Variants in CLMN observed in about 807,000 individuals in gnomAD.
CLMN encodes the protein calmin (calponin-like, transmembrane).
Under a neutral mutation model 92.7 loss-of-function variants are expected in CLMN, and 57 were observed. That is an observed-to-expected ratio of 0.61 (90% CI 0.50 to 0.77). CLMN has a LOEUF of 0.77. Among genes scored for constraint, CLMN ranks in the 30% least tolerant of loss-of-function variants. The pLI is 0.00. For synonymous variants in CLMN, 466 were observed against 470.6 expected, an observed-to-expected ratio of 0.99 and a Z score of 0.13; for missense variants, 1,158 against 1,237.5, an observed-to-expected ratio of 0.94 and a Z score of 0.96.
At chr14:95,237,517 A>G (rs1285793788) in intron 1 of CLMN, among the ~76,000 whole-genome samples, 1 of 152,196 alleles carries the variant, frequency 6.6e-6, no homozygotes, top group Non-Finnish European at 1.5e-5. Flanking sequence ...TTTGAGAGCA[A>G]AGGTCCCCAT....
At chr14:95,293,117 TTCCCTCCTTCCC>T (rs534995606) in intron 1 of CLMN, among the ~76,000 whole-genome samples, 1,934 of 69,262 alleles carry the variant, frequency 0.028, 31 homozygotes, top group Non-Finnish European at 0.039. Context: ...CTCCCCTCCC[TTCCCTCCTTCCC>T]TCCCTCCTTC....
intron 1 of CLMN, among the ~76,000 whole-genome samples, chr14:95,249,847 A>T: frequency 6.6e-6 from 1 of 152,228 alleles, no homozygotes; most frequent in Non-Finnish European, 1.5e-5. Context: ...CCCACTCAGA[A>T]CCCAATTTCA....
intron 12 of CLMN, chr14:95,192,135 A>T (rs1382927915): frequency 6.2e-6 from 1 of 161,620 alleles, no homozygotes; most frequent in Non-Finnish European, 1.3e-5. Context: ...AGTGACACGG[A>T]GTTAGATACT....
intron 1 of CLMN, among the ~76,000 whole-genome samples, chr14:95,261,055 C>T (rs2140701027): frequency 6.6e-6 from 1 of 152,218 alleles, no homozygotes; most frequent in Non-Finnish European, 1.5e-5. Flanking sequence ...GCCAACAGCG[C>T]TGTAACTCAT....
Position 95,186,638 on chromosome 14 carries a change from C to T in CLMN, c.*4926G>A, listed in dbSNP as rs1391190021. ...GGAGTAAAATAGCAGGATCATAGCT[C>T]ACAGTAACCTCAAAGTCATGGGCTC... On this transcript the variant is annotated 3_prime_UTR_variant, in exon 13 of 13. Coordinates refer to ENST00000298912, the MANE Select transcript of CLMN (RefSeq NM_024734.4). 1 of 152,264 alleles carries T rather than the reference C, an allele frequency of 6.6e-6. No homozygotes were observed. The highest frequency in any genetic ancestry group is 2.4e-5 in the African/African-American group (1 of 41,462). 9.4% of individuals were successfully genotyped at this position (152,264 alleles called of 1,614,324 possible).
chr14:95,260,543 A>T (rs1899210800), intron 1 of CLMN: 1 of 152,234 alleles, frequency 6.6e-6, no homozygotes, highest in African/African-American at 2.4e-5. Flanking sequence ...TGGAGACGTT[A>T]TCTTAGACAC....
At chr14:95,228,737 C>T (rs1025782333) in intron 2 of CLMN, among the ~76,000 whole-genome samples, 4 of 152,162 alleles carry the variant, frequency 2.6e-5, no homozygotes, top group African/African-American at 7.2e-5. Context: ...TGCAGTGGTG[C>T]GATCTCAGCT....
At chr14:95,274,908 G>A (rs1460659552) in intron 1 of CLMN, among the ~76,000 whole-genome samples, 1 of 151,490 alleles carries the variant, frequency 6.6e-6, no homozygotes, top group Non-Finnish European at 1.5e-5. Flanking sequence ...GAACCCAGGG[G>A]GGCAGAGGTT....
At chr14:95,304,092 C>T (rs761184589) in intron 1 of CLMN, among the ~76,000 whole-genome samples, 33 of 152,172 alleles carry the variant, frequency 2.2e-4, no homozygotes, top group East Asian at 1.9e-4. Context: ...AATCCCAGCA[C>T]ATTGGGGGTC....
chr14:95,292,228 AG>A (rs2140760875), intron 1 of CLMN, among the ~76,000 whole-genome samples: 1 of 152,350 alleles, frequency 6.6e-6, no homozygotes, highest in African/African-American at 2.4e-5. Context: ...ATGCATCAAA[AG>A]GTAAATGGTA....
chr14:95,203,290 A>G lies in CLMN; in HGVS notation c.2059T>C (p.Ser687Pro), dbSNP rs1896941277. Residue 687 changes from serine (S) to proline (P), a missense_variant, in exon 9 of 13, where the codon TCT (serine) becomes CCT (proline). Ser to Pro is a moderately conservative substitution (Grantham distance 74, BLOSUM62 -1). Coordinates refer to ENST00000298912, the MANE Select transcript of CLMN (RefSeq NM_024734.4). Reference protein sequence around the residue: ...DDLQGVGEELSSSPPSSCVSL... With the variant: ...DDLQGVGEELPSSPPSSCVSL... ...ACACAGCTGCTTGGGGGGCTGGAAG[A>G]TAATTCCTCGCCCACACCCTGGAGG... 4.3e-6 allele frequency: 7 copies of G among 1,614,048 alleles called. No homozygotes were observed. The highest frequency in any genetic ancestry group is 5.9e-6 in the Non-Finnish European group (7 of 1,180,020).
chr14:95,305,216 G>A (rs1432290923), intron 1 of CLMN, among the ~76,000 whole-genome samples: 3 of 152,164 alleles, frequency 2.0e-5, no homozygotes, highest in East Asian at 3.9e-4. Context: ...CCATTGTACC[G>A]ATGAGGCCTT....
Position 95,189,342 on chromosome 14 carries a change from T to C in CLMN, c.*2222A>G, listed in dbSNP as rs1896509232. 1 of 152,234 alleles carries C rather than the reference T, an allele frequency of 6.6e-6. No individual in the cohort carries two copies. The highest frequency in any genetic ancestry group is 2.1e-4 in the South Asian group (1 of 4,828). 9.4% of individuals were successfully genotyped at this position (152,234 alleles called of 1,614,324 possible). ...CTGCTAGTTCTTGTTAAAAGCCTTATTGTATTTCTTTTAATTTAAAAAAAA... is the reference window on the plus strand; with the variant it reads ...CTGCTAGTTCTTGTTAAAAGCCTTACTGTATTTCTTTTAATTTAAAAAAAA... On this transcript the variant is annotated 3_prime_UTR_variant, in exon 13 of 13. Coordinates refer to ENST00000298912, the MANE Select transcript of CLMN (RefSeq NM_024734.4).
At chr14:95,226,677 G>C (rs1165741134) in intron 2 of CLMN, among the ~76,000 whole-genome samples, 1 of 152,036 alleles carries the variant, frequency 6.6e-6, no homozygotes, top group African/African-American at 2.4e-5. Context: ...CTTAGCTCAA[G>C]TGATCCTCCC....
At position 95,259,426 on chromosome 14, in the gene CLMN, C is replaced by A. The variant is rs1899161753; in HGVS notation, c.83-29293G>T. 6.6e-6 allele frequency among the ~76,000 whole-genome samples: 1 copy of A among 152,112 alleles called. No homozygotes were observed. The highest frequency in any genetic ancestry group is 2.1e-4 in the South Asian group (1 of 4,836). On this transcript the variant is annotated intron_variant, in intron 1 of 12. Transcript: ENST00000298912. The surrounding 1 kb of genome is among the most constrained non-coding windows in gnomAD (Gnocchi z 4.3). ...TGTGCGTGGACAAACCTCCGGGTTACCAGAATGTGCACTTTATGAGGACAC... is the reference window on the plus strand; with the variant it reads ...TGTGCGTGGACAAACCTCCGGGTTAACAGAATGTGCACTTTATGAGGACAC...
At chr14:95,245,253 T>A (rs796793476) in intron 1 of CLMN, among the ~76,000 whole-genome samples, 381 of 29,704 alleles carry the variant, frequency 0.013, 9 homozygotes, top group South Asian at 0.021. Flanking sequence ...TATATATATA[T>A]AATATATATA....
At chr14:95,312,943 C>T (rs1410191774) in intron 1 of CLMN, among the ~76,000 whole-genome samples, 1 of 152,202 alleles carries the variant, frequency 6.6e-6, no homozygotes, top group African/African-American at 2.4e-5. Flanking sequence ...CAGTGGCTCA[C>T]ACCTGTAATC....
rs1330517262 is a variant in CLMN, at chr14:95,256,175, G to GC, written c.83-26043dup. The stretch of plus-strand genomic sequence containing the variant: ...CATGGGTGGGCATATGGGGTACAAT[G>GC]CCCCCACACTGTCCTCGCCACGGGC... On this transcript the variant is annotated intron_variant, in intron 1 of 12. Transcript: ENST00000298912. The surrounding 1 kb of genome is among the most constrained non-coding windows in gnomAD (Gnocchi z 4.9). Among the ~76,000 whole-genome samples the GC allele has an allele frequency of 6.6e-6, 1 of 152,106 alleles. No homozygotes were observed. Among genetic ancestry groups the GC allele is most frequent in the African/African-American group, 2.4e-5 (1 of 41,420 alleles).
chr14:95,221,801 G>C, intron 3 of CLMN, 27 bp from the exon 4 acceptor site: 1 of 1,608,418 alleles, frequency 6.2e-7, no homozygotes, highest in Middle Eastern at 1.7e-4. Flanking sequence ...AACAAAACAA[G>C]CACATTAAAC....
Sources: allele counts gnomAD v4.1 joint callset (sites outside exome capture counted in the v4.1 genomes callset), GRCh38; gene constraint gnomAD v4.1.1; non-coding constraint Gnocchi (gnomAD v3.1); transcripts MANE v1.5; gene names NCBI Gene and HGNC (gene_info 2026-07-23, HGNC 2026-07-21).